The following AGBL4 variants were observed in gnomAD, a reference collection of about 807,000 sequenced individuals.
AGBL4 encodes the protein cytosolic carboxypeptidase 6.
In AGBL4, 58 loss-of-function variants were observed where a neutral mutation model predicts 66.4. The ratio of observed to expected loss-of-function variants is 0.87; its 90% confidence interval spans 0.71 to 1.09. The LOEUF (loss-of-function observed/expected upper bound fraction) is 1.09, where lower values mean the gene tolerates loss of function less well. Among genes scored for constraint, AGBL4 ranks in the 50% least tolerant of loss-of-function variants. The pLI is 0.00. For missense variants in AGBL4, 579 were observed against 631.0 expected, an observed-to-expected ratio of 0.92 and a Z score of 0.88; for synonymous variants, 234 against 222.9, an observed-to-expected ratio of 1.05 and a Z score of -0.44.
intron 3 of AGBL4, among the ~76,000 whole-genome samples, chr1:49,247,270 T>C (rs533618430): frequency 1.3e-5 from 2 of 152,234 alleles, no homozygotes; most frequent in East Asian, 1.9e-4. Flanking sequence ...ATCAAAAGTA[T>C]ATCCTCTGGC....
intron 3 of AGBL4, among the ~76,000 whole-genome samples, chr1:49,656,078 C>T (rs1341995284): frequency 8.6e-5 from 13 of 151,238 alleles, no homozygotes; most frequent in African/African-American, 2.2e-4. Flanking sequence ...ACCTGGGAGG[C>T]GGAGGTTGCA....
intron 3 of AGBL4, among the ~76,000 whole-genome samples, chr1:49,418,264 A>G (rs1645470998): frequency 6.6e-6 from 1 of 152,184 alleles, no homozygotes; most frequent in Admixed American, 6.5e-5. Context: ...TAAGAAAGAA[A>G]GTAACATTTA....
At chr1:49,114,448 A>G (rs1429183208) in intron 4 of AGBL4, among the ~76,000 whole-genome samples, 1 of 152,188 alleles carries the variant, frequency 6.6e-6, no homozygotes, top group East Asian at 1.9e-4. Flanking sequence ...GACCACTAAA[A>G]CTTTCTCCAA....
chr1:49,015,492 C>T (rs1418776279), intron 5 of AGBL4, among the ~76,000 whole-genome samples: 1 of 149,862 alleles, frequency 6.7e-6, no homozygotes, highest in Non-Finnish European at 1.5e-5. Context: ...GCGCGATCTC[C>T]GTTCACTGCA....
At chr1:49,704,653 C>T (rs1053511187) in intron 2 of AGBL4, among the ~76,000 whole-genome samples, 5 of 152,104 alleles carry the variant, frequency 3.3e-5, no homozygotes, top group African/African-American at 1.2e-4. Flanking sequence ...ATATGGCTAG[C>T]CAGTTTTCCC....
At chr1:48,548,741 C>T (rs1217994360) in intron 11 of AGBL4, among the ~76,000 whole-genome samples, 1 of 152,224 alleles carries the variant, frequency 6.6e-6, no homozygotes, top group African/African-American at 2.4e-5. Flanking sequence ...ACTTCTCAGA[C>T]ACAATAACCC....
chr1:49,439,526 T>G (rs530427193), intron 3 of AGBL4, among the ~76,000 whole-genome samples: 1 of 152,268 alleles, frequency 6.6e-6, no homozygotes, highest in South Asian at 2.1e-4. Flanking sequence ...ATATTGAGTG[T>G]CAACTTGATT....
chr1:49,803,698 A>G (rs992730740), intron 2 of AGBL4, among the ~76,000 whole-genome samples: 7 of 152,182 alleles, frequency 4.6e-5, no homozygotes, highest in Non-Finnish European at 8.8e-5. Context: ...TGTCGCTGAC[A>G]TAATGAGATA....
At chr1:49,424,264 G>T (rs966652309) in intron 3 of AGBL4, among the ~76,000 whole-genome samples, 2 of 152,084 alleles carry the variant, frequency 1.3e-5, no homozygotes, top group Non-Finnish European at 2.9e-5. Flanking sequence ...GAAACAAACA[G>T]TTAAATAGAG....
At chr1:48,574,293 T>G (rs1644614319) in intron 11 of AGBL4, among the ~76,000 whole-genome samples, 1 of 152,302 alleles carries the variant, frequency 6.6e-6, no homozygotes. Flanking sequence ...TGGTCCTGGC[T>G]TAGGATACGA....
At chr1:48,548,754 T>C (rs1315251342) in intron 11 of AGBL4, among the ~76,000 whole-genome samples, 1 of 152,178 alleles carries the variant, frequency 6.6e-6, no homozygotes, top group Non-Finnish European at 1.5e-5. Flanking sequence ...AATAACCCAC[T>C]TCTCCTTTCC....
chr1:49,815,421 C>G (rs1645207518), intron 2 of AGBL4, among the ~76,000 whole-genome samples: 1 of 152,116 alleles, frequency 6.6e-6, no homozygotes, highest in Non-Finnish European at 1.5e-5. Flanking sequence ...TCATCTGTTG[C>G]TGGACACTTA....
At chr1:49,883,198 C>T (rs539584936) in intron 1 of AGBL4, among the ~76,000 whole-genome samples, 50 of 152,114 alleles carry the variant, frequency 3.3e-4, no homozygotes, top group Non-Finnish European at 6.3e-4. Context: ...CCATATCAAT[C>T]AACATTTGTA....
intron 1 of AGBL4, among the ~76,000 whole-genome samples, chr1:49,970,708 A>AACACAC (rs373722460): frequency 0.11 from 12,386 of 113,756 alleles, 886 homozygotes; most frequent in East Asian, 0.25. Flanking sequence ...AAAAAAACAA[A>AACACAC]ACACACACAC....
chr1:48,713,356 A>T (rs320061), intron 6 of AGBL4, among the ~76,000 whole-genome samples: 2,019 of 152,094 alleles, frequency 0.013, 48 homozygotes, highest in African/African-American at 0.046. Flanking sequence ...CTTAGGGGAC[A>T]GCCAGGTTTC....
intron 4 of AGBL4, among the ~76,000 whole-genome samples, chr1:49,189,201 G>C (rs553018909): frequency 6.6e-6 from 1 of 152,280 alleles, no homozygotes; most frequent in Non-Finnish European, 1.5e-5. Flanking sequence ...TGGCAAACTG[G>C]ACCATCAGAG....
At chr1:48,969,143 C>A (rs1002672026) in intron 5 of AGBL4, among the ~76,000 whole-genome samples, 1 of 119,676 alleles carries the variant, frequency 8.4e-6, no homozygotes, top group African/African-American at 3.1e-5. Flanking sequence ...TAATTCTTTT[C>A]AAACTCTCTC....
chr1:49,161,372 T>G (rs1646538852), intron 4 of AGBL4, among the ~76,000 whole-genome samples: 1 of 152,120 alleles, frequency 6.6e-6, no homozygotes, highest in South Asian at 2.1e-4. Flanking sequence ...TCACCCTCCA[T>G]GGACTGCAAC....
Position 48,705,524 on chromosome 1 carries a change from T to C in AGBL4, c.635-42283A>G, listed in dbSNP as rs1646869167. Among the ~76,000 whole-genome samples, 2 of 152,192 alleles carry C rather than the reference T, an allele frequency of 1.3e-5. 1 individual carries two copies. Among genetic ancestry groups the C allele is most frequent in the South Asian group, 4.2e-4 (2 of 4,816 alleles). On this transcript the variant is annotated intron_variant, in intron 6 of 13. Coordinates refer to ENST00000371839, the MANE Select transcript of AGBL4 (RefSeq NM_032785.4). ...TCCCAATAAACATATGAGGCAGAAA[T>C]ATCATTACCCTTGGGTCTCAGGTTT...
Sources: gnomAD v4.1 joint callset for allele counts (sites outside exome capture counted in the v4.1 genomes callset) on GRCh38, gnomAD v4.1.1 for gene constraint, MANE v1.5 for transcripts, NCBI Gene and HGNC (gene_info 2026-07-23, HGNC 2026-07-21) for gene names.